MITD1: variants seen among roughly 807,000 people sequenced by gnomAD.
The protein encoded by MITD1 is MIT domain-containing protein 1.
In MITD1, 24 loss-of-function variants were observed where a neutral mutation model predicts 34.9. The ratio of observed to expected loss-of-function variants is 0.69; its 90% CI spans 0.50 to 0.97. The LOEUF is 0.97. MITD1 is among the 50% of genes least tolerant of loss of function. The pLI, the probability that MITD1 is intolerant of heterozygous loss-of-function variation, is 0.00. For missense variants in MITD1, 266 were observed against 294.6 expected (o/e 0.90, Z 0.71); for synonymous variants, 102 against 101.4 (o/e 1.01, Z -0.04).
rs1559176187 is a variant in MITD1 at position 99,169,400 on chromosome 2, T to C, written c.725A>G (p.His242Arg). ...PCHETTVDIF[H>R]KKHTKNI ...TCATATATTTTTTGTATGCTTCTTA[T>C]GAAAAATGTCTACTGTTGTTTCATG... The change falls in exon 7 of 7, where the codon CAT (histidine) becomes CGT (arginine). Residue 242 changes from histidine (H) to arginine (R), a missense_variant. Physicochemically the swap from His to Arg is conservative, Grantham distance 29 (BLOSUM62 0). Coordinates refer to ENST00000289359, the MANE Select transcript of MITD1 (RefSeq NM_138798.3). The C allele has an allele frequency of 3.1e-6, 5 of 1,597,382 alleles. No homozygotes were observed. The highest frequency in any genetic ancestry group is 3.4e-6 in the Non-Finnish European group (4 of 1,168,414).
At chr2:99,176,942 T>C (rs1165598917) in intron 1 of MITD1, among the ~76,000 whole-genome samples, 1 of 152,160 alleles carries the variant, frequency 6.6e-6, no homozygotes, top group Non-Finnish European at 1.5e-5. Flanking sequence ...CACCACTACT[T>C]CTAGACCCTC....
At chr2:99,165,373 C>T (rs1426236151), downstream of MITD1, among the ~76,000 whole-genome samples, 3 of 151,988 alleles carry the variant, frequency 2.0e-5, no homozygotes, top group Non-Finnish European at 4.4e-5. Flanking sequence ...GGCCTTTACT[C>T]CTAGATTTCT....
chr2:99,179,295 C>G (rs2105232194), intron 1 of MITD1, among the ~76,000 whole-genome samples: 1 of 152,288 alleles, frequency 6.6e-6, no homozygotes, highest in East Asian at 1.9e-4. Flanking sequence ...TTCAGTATAC[C>G]AGAGTCGTTG....
chr2:99,161,770 CT>C, downstream of MITD1: 1 of 474,292 alleles, frequency 2.1e-6, no homozygotes, highest in Non-Finnish European at 3.7e-6. Context: ...TGAAATTTGT[CT>C]TCATTTATTT....
At chr2:99,175,145 A>G (rs984811540) in intron 1 of MITD1, among the ~76,000 whole-genome samples, 20 of 152,332 alleles carry the variant, frequency 1.3e-4, no homozygotes, top group African/African-American at 4.6e-4. Flanking sequence ...TAATGTTAAC[A>G]TATCACAAAC....
chr2:99,166,577 G>A (rs528157804), downstream of MITD1, among the ~76,000 whole-genome samples: 1 of 151,338 alleles, frequency 6.6e-6, no homozygotes, highest in South Asian at 2.1e-4. Flanking sequence ...CTCGAGATGT[G>A]TGTACTAATA....
At chr2:99,166,361 A>T (rs578227339), downstream of MITD1, among the ~76,000 whole-genome samples, 8 of 152,126 alleles carry the variant, frequency 5.3e-5, no homozygotes, top group Non-Finnish European at 8.8e-5. Context: ...CGAGAGTTTA[A>T]AAGTGCCCAT....
chr2:99,165,923 A>G (rs948435444), downstream of MITD1, among the ~76,000 whole-genome samples: 1 of 152,152 alleles, frequency 6.6e-6, no homozygotes, highest in Admixed American at 6.6e-5. Flanking sequence ...GGCTAGCGTG[A>G]TAGTTTCCAA....
Position 99,177,674 on chromosome 2 carries a change from A to AT in MITD1, c.151+3156_151+3157insA, listed in dbSNP as rs1559183063. Among the ~76,000 whole-genome samples the AT allele has an allele frequency of 2.8e-5, 3 of 108,374 alleles. No homozygotes were observed. In the East Asian group the frequency reaches 1.1e-3, roughly 39 times the overall value. 71.1% of individuals were successfully genotyped at this position (108,374 alleles called of 152,430 possible). ...AATTTATTCCTCTTATTTAACTGTA[A>AT]ATTTTTTTTTTTAAGAGAGGGTTTC... On this transcript the variant is annotated intron_variant, in intron 1 of 6. Transcript: ENST00000289359.
At chr2:99,178,658 G>A (rs568137501) in intron 1 of MITD1, among the ~76,000 whole-genome samples, 43 of 152,264 alleles carry the variant, frequency 2.8e-4, no homozygotes, top group African/African-American at 9.9e-4. Flanking sequence ...TTTGTGTAAA[G>A]GCCTGAAATA....
At chr2:99,161,922 G>T, downstream of MITD1, 1 of 1,497,630 alleles carries the variant, frequency 6.7e-7, no homozygotes, top group South Asian at 1.3e-5. Context: ...TCCTTTTCTC[G>T]ATGAATTAAT....
rs778438575 is a variant in MITD1 at position 99,169,366 on chromosome 2, T to C, written c.*9A>G. The C allele has an allele frequency of 1.5e-6, 2 of 1,340,796 alleles. No homozygotes were observed. The highest frequency in any genetic ancestry group is 3.7e-5 in the Admixed American group (2 of 54,540). The allele number at this position is 1,340,796 out of a possible 1,614,324, so 83.1% of individuals were successfully genotyped here. A position where few individuals can be genotyped will look rare whatever the true frequency, so the allele number is the denominator to read the frequency against. ...AAAGTAGACATAATACAAATTAGGC[T>C]ACCACCCATCATATATTTTTTGTAT... On this transcript the variant is annotated 3_prime_UTR_variant, in exon 7 of 7. Transcript: ENST00000289359.
In MITD1 at chr2:99,181,054, C is replaced by A. The variant is rs966454337; in HGVS notation, c.-73G>T. The A allele has an allele frequency of 4.6e-6, 7 of 1,529,770 alleles. No individual in the cohort carries two copies. The African/African-American group carries it at 6.9e-5, about 15-fold the overall frequency. 94.8% of individuals were successfully genotyped at this position (1,529,770 alleles called of 1,614,324 possible). A position where few individuals can be genotyped will look rare whatever the true frequency, so the allele number is the denominator to read the frequency against. On this transcript the variant is annotated 5_prime_UTR_variant, in exon 1 of 7. It removes an upstream start codon present in the reference 5' UTR. Transcript: ENST00000289359. ...GTCTGCTGCGCTTCCGGGAAGTGGT[C>A]ATGTGATACCCAGGCGCCTGCGCTC...
intron 5 of MITD1, 89 bp from the exon 6 acceptor site, chr2:99,169,699 C>A: frequency 9.3e-7 from 1 of 1,079,574 alleles, no homozygotes. Flanking sequence ...AGCAAAATTT[C>A]CCCCTAACAA....
At chr2:99,176,492 A>AT (rs1282441362) in intron 1 of MITD1, among the ~76,000 whole-genome samples, 1 of 151,478 alleles carries the variant, frequency 6.6e-6, no homozygotes, top group Non-Finnish European at 1.5e-5. Context: ...CACCCGGCTA[A>AT]TTTTTTGTAT....
downstream of MITD1, among the ~76,000 whole-genome samples, chr2:99,168,164 G>A (rs1395452312): frequency 1.3e-5 from 2 of 152,040 alleles, no homozygotes; most frequent in African/African-American, 4.8e-5. Context: ...ATTTTGAGAT[G>A]GAGTTTTACT....
chr2:99,175,827 C>T (rs2093883835), intron 1 of MITD1, among the ~76,000 whole-genome samples: 1 of 152,184 alleles, frequency 6.6e-6, no homozygotes, highest in African/African-American at 2.4e-5. Flanking sequence ...CTATCATTTT[C>T]CTGCTCAAAT....
chr2:99,171,289 A>G, intron 4 of MITD1, 54 bp downstream of exon 4: 1 of 1,344,844 alleles, frequency 7.4e-7, no homozygotes, highest in Non-Finnish European at 1.1e-6. Context: ...ACTGGACTAC[A>G]TCTTGTAACT....
At chr2:99,169,779 G>T (rs1421275978) in intron 5 of MITD1, among the ~76,000 whole-genome samples, 169 bp from the exon 6 acceptor site, 1 of 152,278 alleles carries the variant, frequency 6.6e-6, no homozygotes, top group East Asian at 1.9e-4. Flanking sequence ...TGTCCACAAT[G>T]AAAACAGTCA....
Sources: allele counts gnomAD v4.1 joint callset (sites outside exome capture counted in the v4.1 genomes callset), GRCh38; gene constraint gnomAD v4.1.1; transcripts MANE v1.5; gene names NCBI Gene and HGNC (gene_info 2026-07-23, HGNC 2026-07-21).